ITGBL1: variants seen among roughly 807,000 people sequenced by gnomAD.
ITGBL1 encodes the protein integrin beta-like protein 1.
In ITGBL1, 51 loss-of-function variants were observed where a neutral mutation model predicts 68.5. That is an observed-to-expected ratio of 0.74 (90% CI 0.59 to 0.94). The LOEUF is 0.94. Ranked by LOEUF, ITGBL1 falls within the 40% of genes least tolerant of loss-of-function variation. The pLI is 0.00. For synonymous variants in ITGBL1, 209 were observed against 227.3 expected, an observed-to-expected ratio of 0.92 and a Z score of 0.72; for missense variants, 649 against 647.4, an observed-to-expected ratio of 1.00 and a Z score of -0.03.
At chr13:101,674,061 C>T (rs960246972) in intron 7 of ITGBL1, among the ~76,000 whole-genome samples, 2 of 152,208 alleles carry the variant, frequency 1.3e-5, no homozygotes, top group Non-Finnish European at 2.9e-5. Flanking sequence ...GTGTCAGACA[C>T]TGACATAATG....
chr13:101,540,236 G>A (rs1054230801), intron 2 of ITGBL1, among the ~76,000 whole-genome samples: 2 of 152,112 alleles, frequency 1.3e-5, no homozygotes, highest in African/African-American at 4.8e-5. Context: ...TGTATAAGGT[G>A]TAAGGAAGGG....
intron 8 of ITGBL1, among the ~76,000 whole-genome samples, chr13:101,703,597 C>T (rs1349194369): frequency 6.6e-6 from 1 of 152,086 alleles, no homozygotes; most frequent in East Asian, 1.9e-4. Context: ...AAGTTTTTTC[C>T]AACGTTGTGA....
In ITGBL1 at chr13:101,629,767, CGT is replaced by C. The variant is rs1406503962; in HGVS notation, c.1015+31469_1015+31470del. On this transcript the variant is annotated intron_variant, in intron 7 of 10. Coordinates refer to ENST00000376180, the MANE Select transcript of ITGBL1 (RefSeq NM_004791.3). ...TCCGACTACTATAGGAATTGATTAA[CGT>C]AATATAGACAGCCCCATTTTCCAAT... 3.9e-5 allele frequency among the ~76,000 whole-genome samples: 6 copies of C among 152,106 alleles called. No individual in the cohort carries two copies. The East Asian group carries it at 1.2e-3, about 29-fold the overall frequency.
At chr13:101,474,605 G>A (rs1007226325) in intron 2 of ITGBL1, among the ~76,000 whole-genome samples, 3 of 152,164 alleles carry the variant, frequency 2.0e-5, no homozygotes, top group African/African-American at 7.2e-5. Flanking sequence ...TGGTTGCTAT[G>A]AGCCTTGGGT....
At chr13:101,604,952 ATGTGTATATGTATATATACATATATGCG>A (rs2030644308) in intron 7 of ITGBL1, among the ~76,000 whole-genome samples, 2 of 6,790 alleles carry the variant, frequency 2.9e-4, no homozygotes, top group East Asian at 0.042. Context: ...ATATGTGTAC[ATGTGTATATGTATATATACATATATGCG>A]TACATGTGTA....
intron 7 of ITGBL1, among the ~76,000 whole-genome samples, chr13:101,629,283 G>C (rs1468293504): frequency 1.3e-5 from 2 of 151,990 alleles, no homozygotes; most frequent in Non-Finnish European, 2.9e-5. Context: ...AGAGAGTAGG[G>C]ATTAAAATAT....
At chr13:101,649,028 A>T (rs2032660281) in intron 7 of ITGBL1, among the ~76,000 whole-genome samples, 1 of 152,142 alleles carries the variant, frequency 6.6e-6, no homozygotes. Context: ...TTAAAGAGTG[A>T]TAAGAGCCAT....
intron 2 of ITGBL1, among the ~76,000 whole-genome samples, chr13:101,511,382 C>A (rs1333932169): frequency 1.3e-5 from 2 of 152,022 alleles, no homozygotes; most frequent in African/African-American, 4.8e-5. Flanking sequence ...ATTCCTTTTT[C>A]TTGAGTGGAA....
chr13:101,526,784 A>G (rs1390279963), intron 2 of ITGBL1, among the ~76,000 whole-genome samples: 1 of 152,040 alleles, frequency 6.6e-6, no homozygotes, highest in African/African-American at 2.4e-5. Context: ...CTATAATGCC[A>G]TCATAGATTT....
intron 9 of ITGBL1, among the ~76,000 whole-genome samples, chr13:101,710,048 A>C (rs1261092185): frequency 2.0e-5 from 3 of 152,254 alleles, no homozygotes; most frequent in Non-Finnish European, 4.4e-5. Context: ...AAAACAAAAC[A>C]AAACAAAGCC....
intron 7 of ITGBL1, among the ~76,000 whole-genome samples, chr13:101,632,330 A>G (rs1242675751): frequency 2.6e-5 from 4 of 152,300 alleles, no homozygotes; most frequent in East Asian, 1.9e-4. Context: ...TCATCAGGGA[A>G]ATATAAATTA....
At chr13:101,471,239 G>C (rs574585551) in intron 2 of ITGBL1, among the ~76,000 whole-genome samples, 1 of 152,232 alleles carries the variant, frequency 6.6e-6, no homozygotes, top group African/African-American at 2.4e-5. Context: ...TAGTTGATTT[G>C]CTTGTGCCTC....
intron 7 of ITGBL1, among the ~76,000 whole-genome samples, chr13:101,667,102 C>T (rs920512352): frequency 4.6e-5 from 7 of 152,088 alleles, no homozygotes; most frequent in Admixed American, 3.3e-4. Context: ...CATGCCAAAC[C>T]CTTAGACTGC....
intron 7 of ITGBL1, among the ~76,000 whole-genome samples, chr13:101,604,887 T>TATATATATATATATATACACACAC: frequency 4.5e-5 from 1 of 22,164 alleles, no homozygotes; most frequent in African/African-American, 1.5e-4. Flanking sequence ...TATATATATA[T>TATATATATATATATATACACACAC]ACACACACAC....
chr13:101,605,640 GT>G, intron 7 of ITGBL1, among the ~76,000 whole-genome samples: 1 of 95,536 alleles, frequency 1.0e-5, no homozygotes, highest in East Asian at 6.5e-4. Flanking sequence ...AGACATGTAT[GT>G]GTGTATGCGT....
chr13:101,509,051 A>C (rs1452295867), intron 2 of ITGBL1, among the ~76,000 whole-genome samples: 1 of 152,174 alleles, frequency 6.6e-6, no homozygotes, highest in African/African-American at 2.4e-5. Context: ...CATGCTGCTG[A>C]TAAAGACATA....
rs187341481 is a variant in ITGBL1, at chr13:101,564,388, C to G, written c.317-3311C>G. 4.5e-3 allele frequency among the ~76,000 whole-genome samples: 690 copies of G among 151,892 alleles called. 3 individuals are homozygous for G. Among genetic ancestry groups the G allele is most frequent in the African/African-American group, 0.016 (660 of 41,500 alleles). On this transcript the variant is annotated intron_variant, in intron 2 of 10. Transcript: ENST00000376180. ...ATTTAATTAAGATCAAAACCTTTTA[C>G]TCTTCAAAAGATACTGTTAATAGAA... is the stretch of plus-strand genomic sequence containing the variant.
chr13:101,546,437 T>G (rs944311701), intron 2 of ITGBL1, among the ~76,000 whole-genome samples: 2 of 151,728 alleles, frequency 1.3e-5, no homozygotes, highest in Non-Finnish European at 2.9e-5. Context: ...ATTTTAAGGG[T>G]CCAAAATCGA....
At chr13:101,495,684 A>G (rs1043092580) in intron 2 of ITGBL1, among the ~76,000 whole-genome samples, 1 of 151,958 alleles carries the variant, frequency 6.6e-6, no homozygotes, top group Non-Finnish European at 1.5e-5. Context: ...CCTACCTCCT[A>G]TAAGGATGGG....
Sources: gnomAD v4.1 joint callset for allele counts (sites outside exome capture counted in the v4.1 genomes callset) on GRCh38, gnomAD v4.1.1 for gene constraint, MANE v1.5 for transcripts, NCBI Gene and HGNC (gene_info 2026-07-23, HGNC 2026-07-21) for gene names.